Variants in KIF6 observed in about 807,000 individuals in gnomAD.
The protein encoded by KIF6 is kinesin family member 6, also known as kinesin-like protein KIF6.
In KIF6, 106 loss-of-function variants were observed where a neutral mutation model predicts 112.7. That is an observed-to-expected ratio of 0.94 (90% CI 0.80 to 1.11). The LOEUF (loss-of-function observed/expected upper bound fraction) is 1.11, where lower values mean the gene tolerates loss of function less well. KIF6 is among the 50% of genes least tolerant of loss of function. The pLI, the probability that KIF6 is intolerant of heterozygous loss-of-function variation, is 0.00. For missense variants in KIF6, 929 were observed against 964.0 expected (o/e 0.96, Z 0.48); for synonymous variants, 339 against 339.9 (o/e 1.00, Z 0.03).
intron 13 of KIF6, among the ~76,000 whole-genome samples, chr6:39,455,611 G>A (rs1773027380): frequency 1.4e-5 from 2 of 148,038 alleles, no homozygotes; most frequent in African/African-American, 5.0e-5. Context: ...CAAAGAAGTT[G>A]AAAACTTTGA....
At chr6:39,346,344 A>G (rs1199846746) in intron 20 of KIF6, 132 bp downstream of exon 20, 2 of 704,274 alleles carry the variant, frequency 2.8e-6, no homozygotes, top group South Asian at 3.0e-5. Context: ...TGATTAAGTC[A>G]TGAAGGTAGA....
intron 10 of KIF6, among the ~76,000 whole-genome samples, chr6:39,551,147 T>C (rs1421716943): frequency 6.6e-6 from 1 of 152,242 alleles, no homozygotes; most frequent in Non-Finnish European, 1.5e-5. Context: ...GTTCTAGTTT[T>C]AGTTTTTGGA....
chr6:39,594,206 A>T (rs1381532862), intron 7 of KIF6, among the ~76,000 whole-genome samples: 1 of 146,518 alleles, frequency 6.8e-6, no homozygotes, highest in Non-Finnish European at 1.5e-5. Flanking sequence ...AGGCTTATAG[A>T]ATTAAAAAAA....
At chr6:39,348,877 C>T (rs1763994962) in intron 19 of KIF6, among the ~76,000 whole-genome samples, 2 of 152,206 alleles carry the variant, frequency 1.3e-5, no homozygotes, top group Admixed American at 1.3e-4. Context: ...GCAACAGCCG[C>T]TGGGCCCTCG....
chr6:39,670,760 C>T (rs1786768614), intron 3 of KIF6, among the ~76,000 whole-genome samples: 1 of 152,102 alleles, frequency 6.6e-6, no homozygotes, highest in Non-Finnish European at 1.5e-5. Flanking sequence ...GTGAGTCCTC[C>T]TCCCTTAGAA....
At chr6:39,649,422 C>T (rs981301671) in intron 3 of KIF6, among the ~76,000 whole-genome samples, 1 of 152,152 alleles carries the variant, frequency 6.6e-6, no homozygotes, top group African/African-American at 2.4e-5. Context: ...AAAAATGAAA[C>T]TGCAAACATG....
At chr6:39,473,226 A>G (rs1198233683) in intron 13 of KIF6, among the ~76,000 whole-genome samples, 1 of 152,210 alleles carries the variant, frequency 6.6e-6, no homozygotes, top group Admixed American at 6.5e-5. Flanking sequence ...TACTGGGCTT[A>G]AAAGACTTCT....
At chr6:39,670,103 T>C (rs902563756) in intron 3 of KIF6, among the ~76,000 whole-genome samples, 1 of 152,158 alleles carries the variant, frequency 6.6e-6, no homozygotes, top group Admixed American at 6.5e-5. Context: ...CCTCACTCTT[T>C]CCATGACAGC....
At chr6:39,533,015 A>G (rs559128366) in intron 13 of KIF6, among the ~76,000 whole-genome samples, 1 of 152,302 alleles carries the variant, frequency 6.6e-6, no homozygotes, top group Admixed American at 6.5e-5. Flanking sequence ...AAAGCTGGAA[A>G]CAGGAGGGAG....
chr6:39,417,700 C>A (rs1224179354), intron 15 of KIF6, among the ~76,000 whole-genome samples: 1 of 150,304 alleles, frequency 6.7e-6, no homozygotes. Flanking sequence ...GATTGCACCA[C>A]AGTTATGGGG....
At position 39,419,968 on chromosome 6, in the gene KIF6, T is replaced by G. The variant is rs1415186018; in HGVS notation, c.1790A>C (p.Asn597Thr). ...SEAKALGESI[N>T]EARSKIGHLK... ...CTTACCAATTTTACTTCTTGCTTCATTTATACTTTCTCCCAGGGCCTTGGC... is the reference window on the plus strand; with the variant it reads ...CTTACCAATTTTACTTCTTGCTTCAGTTATACTTTCTCCCAGGGCCTTGGC... Residue 597 changes from asparagine to threonine, a missense_variant, in exon 15 of 23, where the codon AAT (asparagine) becomes ACT (threonine). Transcript: ENST00000287152. The G allele has an allele frequency of 6.2e-7, 1 of 1,613,570 alleles. No homozygotes were observed. The highest frequency in any genetic ancestry group is 1.1e-5 in the South Asian group (1 of 91,054).
intron 13 of KIF6, among the ~76,000 whole-genome samples, chr6:39,502,827 G>A (rs1193894608): frequency 6.6e-6 from 1 of 152,168 alleles, no homozygotes; most frequent in Admixed American, 6.5e-5. Flanking sequence ...CAATACAGGA[G>A]CACCTAAATT....
chr6:39,338,803 C>T (rs9462533), intron 22 of KIF6, among the ~76,000 whole-genome samples: 2 of 152,006 alleles, frequency 1.3e-5, no homozygotes, highest in East Asian at 1.9e-4. Context: ...GAGATCTGGG[C>T]TCTGATGTTT....
chr6:39,343,039 A>C lies in KIF6; in HGVS notation c.2428+670T>G. On this transcript the variant is annotated intron_variant, in intron 22 of 22. Coordinates refer to ENST00000287152, the MANE Select transcript of KIF6 (RefSeq NM_145027.6). This position sits in a 1 kb window ranked among gnomAD's most constrained non-coding sequence, Gnocchi z 4.1. ...CTAAGACAAAATGCAGGCCTGGGGT[A>C]AGGGGCCCTGGGGCTTGCCCTGTGG... 1 of 985,338 alleles carries C rather than the reference A, an allele frequency of 1.0e-6. No homozygotes were observed. Among genetic ancestry groups the C allele is most frequent in the Non-Finnish European group, 1.2e-6 (1 of 829,882 alleles). 61.0% of individuals were successfully genotyped at this position (985,338 alleles called of 1,614,324 possible).
intron 3 of KIF6, among the ~76,000 whole-genome samples, chr6:39,673,701 T>G (rs145995494): frequency 1.3e-5 from 2 of 152,294 alleles, no homozygotes; most frequent in African/African-American, 2.4e-5. Context: ...GGAATAAAGC[T>G]TTGGAAACAG....
chr6:39,703,080 C>CT lies in KIF6; in HGVS notation c.251+11611_251+11612insA, dbSNP rs1380742356. On this transcript the variant is annotated intron_variant, in intron 3 of 22. Transcript: ENST00000287152. ...CACCAAGACAAAATCCACCAACCCC[C>CT]CACCCCCACTCCCGGCCACCAAGAC... 3.8e-4 allele frequency among the ~76,000 whole-genome samples: 17 copies of CT among 45,018 alleles called. 2 individuals are homozygous for CT. Among genetic ancestry groups the CT allele is most frequent in the Non-Finnish European group, 9.0e-4 (13 of 14,490 alleles). The allele number at this position is 45,018 out of a possible 152,430, so 29.5% of individuals were successfully genotyped here. A position where few individuals can be genotyped will look rare whatever the true frequency, so the allele number is the denominator to read the frequency against.
intron 5 of KIF6, among the ~76,000 whole-genome samples, chr6:39,632,602 T>A (rs986366979): frequency 1.1e-4 from 16 of 150,088 alleles, no homozygotes; most frequent in African/African-American, 3.0e-4. Flanking sequence ...AAAAAAAAAA[T>A]TCATTATAAA....
At chr6:39,412,463 T>A (rs569501409) in intron 15 of KIF6, among the ~76,000 whole-genome samples, 5 of 152,378 alleles carry the variant, frequency 3.3e-5, no homozygotes, top group Admixed American at 1.3e-4. Flanking sequence ...CAAAATGTTC[T>A]TTCACGTGAT....
Position 39,343,818 on chromosome 6 carries a change from G to C in KIF6, c.2322-3C>G. On this transcript the variant is annotated splice_polypyrimidine_tract_variant and splice_region_variant and intron_variant, in intron 21 of 22. Coordinates refer to ENST00000287152, the MANE Select transcript of KIF6 (RefSeq NM_145027.6). The surrounding 1 kb of genome is among the most constrained non-coding windows in gnomAD (Gnocchi z 4.1). Reference sequence around the variant, plus strand: ...ACGACACTGGCCTCTTGGGGATGCTGGAGGCAACCACGTGTCACATTTTAC... The same window carrying C: ...ACGACACTGGCCTCTTGGGGATGCTCGAGGCAACCACGTGTCACATTTTAC... The C allele has an allele frequency of 1.3e-6, 2 of 1,566,858 alleles. No individual in the cohort carries two copies. The highest frequency in any genetic ancestry group is 2.3e-5 in the South Asian group (2 of 86,892).
Sources: gnomAD v4.1 joint callset for allele counts (sites outside exome capture counted in the v4.1 genomes callset) on GRCh38, gnomAD v4.1.1 for gene constraint, Gnocchi (gnomAD v3.1) non-coding constraint, MANE v1.5 for transcripts, NCBI Gene and HGNC (gene_info 2026-07-23, HGNC 2026-07-21) for gene names.